NRXN1: variants seen among roughly 807,000 people sequenced by gnomAD.
The protein encoded by NRXN1 is neurexin-1.
A neutral mutation model predicts 150.9 loss-of-function variants in NRXN1; 39 were observed. The ratio of observed to expected loss-of-function variants is 0.26; its 90% CI spans 0.20 to 0.34. The LOEUF is 0.34. Ranked by LOEUF, NRXN1 falls within the 10% of genes least tolerant of loss-of-function variation. The pLI, the probability that NRXN1 is intolerant of heterozygous loss-of-function variation, is 1.00. For missense variants in NRXN1, 1,815 were observed against 1,949.9 expected (o/e 0.93, Z 1.30); for synonymous variants, 924 against 757.0 (o/e 1.22, Z -3.62).
At chr2:50,513,613 A>G (rs912332322) in intron 12 of NRXN1, among the ~76,000 whole-genome samples, 1 of 152,178 alleles carries the variant, frequency 6.6e-6, no homozygotes, top group Admixed American at 6.5e-5. Context: ...GCTTTTTGCT[A>G]CAAAGCCTTC....
chr2:50,993,326 A>C (rs6719188), intron 2 of NRXN1, among the ~76,000 whole-genome samples: 100,071 of 151,736 alleles, frequency 0.66, 33,750 homozygotes, highest in African/African-American at 0.79. Context: ...GCCTAGGGCT[A>C]GTCTCAGTGT....
At chr2:50,153,264 T>C (rs1340288993) in intron 18 of NRXN1, among the ~76,000 whole-genome samples, 4 of 151,710 alleles carry the variant, frequency 2.6e-5, no homozygotes, top group African/African-American at 9.7e-5. Flanking sequence ...TCCTTTATTC[T>C]TAGAGCATTT....
intron 5 of NRXN1, among the ~76,000 whole-genome samples, chr2:50,808,756 C>T (rs1483278921): frequency 1.3e-5 from 2 of 152,042 alleles, no homozygotes; most frequent in South Asian, 2.1e-4. Context: ...ACTTTTATAA[C>T]GATTTACTCA....
intron 5 of NRXN1, among the ~76,000 whole-genome samples, chr2:50,635,736 G>C (rs1683146750): frequency 6.6e-6 from 1 of 152,152 alleles, no homozygotes; most frequent in South Asian, 2.1e-4. Context: ...ACTCTGTGCT[G>C]ACCTATCCGT....
In NRXN1 at chr2:50,631,285, C is replaced by T. The variant is rs775760318; in HGVS notation, c.833-7670G>A. ...AGACTTATCTCACTTAGGTAAACCT[C>T]GAGACCAATCCAGAAATAAATTGCC... On this transcript the variant is annotated intron_variant, in intron 5 of 22. Coordinates refer to ENST00000401669, the MANE Select transcript of NRXN1 (RefSeq NM_001330078.2). 34 of 308,884 alleles carry T rather than the reference C, an allele frequency of 1.1e-4. No individual in the cohort carries two copies. The highest frequency in any genetic ancestry group is 7.0e-4 in the African/African-American group (30 of 42,650). The allele number at this position is 308,884 out of a possible 1,614,324, so 19.1% of individuals were successfully genotyped here.
intron 17 of NRXN1, among the ~76,000 whole-genome samples, chr2:50,319,367 G>C (rs1435970847): frequency 6.6e-6 from 1 of 152,092 alleles, no homozygotes; most frequent in African/African-American, 2.4e-5. Context: ...ACAGTCATTT[G>C]TATAGCCATT....
chr2:50,531,180 C>A, intron 11 of NRXN1, 47 bp downstream of exon 11: 4 of 1,514,564 alleles, frequency 2.6e-6, no homozygotes, highest in Non-Finnish European at 3.6e-6. Context: ...GCAAATTGAA[C>A]AAAAAGTAAA....
At chr2:50,303,494 C>G (rs564647620) in intron 17 of NRXN1, among the ~76,000 whole-genome samples, 1 of 152,144 alleles carries the variant, frequency 6.6e-6, no homozygotes, top group Non-Finnish European at 1.5e-5. Context: ...AAGTCATTAT[C>G]ATGCATTACT....
chr2:50,339,087 A>G (rs1408713660), intron 17 of NRXN1, among the ~76,000 whole-genome samples: 2 of 152,192 alleles, frequency 1.3e-5, no homozygotes, highest in Non-Finnish European at 2.9e-5. Context: ...CGTTAGTCCA[A>G]TGGCAACCCA....
rs150997969 is a variant in NRXN1 at position 50,469,994 on chromosome 2, G to T, written c.3244+2304C>A. On this transcript the variant is annotated intron_variant, in intron 16 of 22. Coordinates refer to ENST00000401669, the MANE Select transcript of NRXN1 (RefSeq NM_001330078.2). ...TGCTCCTCTTAATCTACTTGCTTCC[G>T]CCCACTCACTCACATTACATACCAG... 3.2e-4 allele frequency among the ~76,000 whole-genome samples: 48 copies of T among 151,192 alleles called. 1 individual carries two copies. In the East Asian group the frequency reaches 7.6e-3, roughly 24 times the overall value.
intron 5 of NRXN1, among the ~76,000 whole-genome samples, chr2:50,734,713 A>G (rs1338400206): frequency 6.8e-6 from 1 of 146,110 alleles, no homozygotes; most frequent in East Asian, 2.0e-4. Flanking sequence ...TCTCACTAGG[A>G]AAAAAAAAAA....
chr2:50,240,172 A>G (rs936348543), intron 17 of NRXN1, among the ~76,000 whole-genome samples: 2 of 151,698 alleles, frequency 1.3e-5, no homozygotes, highest in Non-Finnish European at 3.0e-5. Flanking sequence ...GTTTAGAATG[A>G]CTTTACAGTT....
At chr2:50,592,655 C>T (rs1183533330) in intron 8 of NRXN1, among the ~76,000 whole-genome samples, 1 of 152,208 alleles carries the variant, frequency 6.6e-6, no homozygotes, top group African/African-American at 2.4e-5. Flanking sequence ...AAGGCTATCA[C>T]ACTCAGGGCT....
Position 50,474,839 on chromosome 2 carries a change from CAA to C in NRXN1, c.3071-2370_3071-2369del, listed in dbSNP as rs35572466. Among the ~76,000 whole-genome samples the C allele has an allele frequency of 2.1e-3, 233 of 108,836 alleles. 2 individuals are homozygous for C. The highest frequency in any genetic ancestry group is 7.9e-3 in the African/African-American group (222 of 28,164). 71.4% of individuals were successfully genotyped at this position (108,836 alleles called of 152,430 possible). A position where few individuals can be genotyped will look rare whatever the true frequency, so the allele number is the denominator to read the frequency against. ...TCTCTTTACCCGCCCGCCCCCCTAC[CAA>C]AAAAAAAAAAATGAGTACAGTAGAA... is the stretch of plus-strand genomic sequence containing the variant. On this transcript the variant is annotated intron_variant, in intron 15 of 22. Transcript: ENST00000401669.
intron 17 of NRXN1, among the ~76,000 whole-genome samples, chr2:50,417,515 T>C (rs970424956): frequency 6.6e-6 from 1 of 151,862 alleles, no homozygotes; most frequent in African/African-American, 2.4e-5. Context: ...TGGTCCTAGG[T>C]ATTCTGCTGT....
chr2:50,025,185 A>T (rs1688100641), intron 21 of NRXN1, among the ~76,000 whole-genome samples: 1 of 152,202 alleles, frequency 6.6e-6, no homozygotes, highest in South Asian at 2.1e-4. Context: ...ATGTTCTTTT[A>T]TGAAAGATAA....
intron 18 of NRXN1, among the ~76,000 whole-genome samples, chr2:50,124,131 A>C (rs1468208727): frequency 1.3e-5 from 2 of 152,126 alleles, no homozygotes; most frequent in African/African-American, 4.8e-5. Flanking sequence ...AAACCCAGGA[A>C]AGTGTATAGC....
At chr2:51,019,563 T>C (rs1421454940) in intron 2 of NRXN1, among the ~76,000 whole-genome samples, 1 of 152,048 alleles carries the variant, frequency 6.6e-6, no homozygotes, top group East Asian at 1.9e-4. Flanking sequence ...ATTTAGAAAA[T>C]ACTATGAGAG....
chr2:50,392,495 G>C (rs1040973549), intron 17 of NRXN1, among the ~76,000 whole-genome samples: 2 of 152,010 alleles, frequency 1.3e-5, no homozygotes, highest in Admixed American at 6.6e-5. Context: ...GACTGCAATA[G>C]GTAAGGTGAA....
Sources: gnomAD v4.1 joint callset for allele counts (sites outside exome capture counted in the v4.1 genomes callset) on GRCh38, gnomAD v4.1.1 for gene constraint, MANE v1.5 for transcripts, NCBI Gene and HGNC (gene_info 2026-07-23, HGNC 2026-07-21) for gene names.